WDR27: variants seen among roughly 807,000 people sequenced by gnomAD.
The protein encoded by WDR27 is WD repeat-containing protein 27.
In WDR27, 100 loss-of-function variants were observed where a neutral mutation model predicts 114.4. The ratio of observed to expected loss-of-function variants is 0.87; its 90% confidence interval spans 0.74 to 1.03. The LOEUF is 1.03. Among genes scored for constraint, WDR27 ranks in the 50% least tolerant of loss-of-function variants. The probability of loss-of-function intolerance (pLI) is 0.00; values close to 1 mark genes in which losing one functional copy is unlikely to be tolerated. For synonymous variants in WDR27, 449 were observed against 423.1 expected, an observed-to-expected ratio of 1.06 and a Z score of -0.75; for missense variants, 1,129 against 1,092.9, an observed-to-expected ratio of 1.03 and a Z score of -0.47.
chr6:169,573,687 ACT>A (rs1333097416), intron 24 of WDR27, among the ~76,000 whole-genome samples: 1 of 152,138 alleles, frequency 6.6e-6, no homozygotes, highest in Non-Finnish European at 1.5e-5. Context: ...GATATTTGTG[ACT>A]CTGCTATCCA....
intron 21 of WDR27, among the ~76,000 whole-genome samples, chr6:169,625,187 G>A (rs1256534277): frequency 2.0e-5 from 3 of 152,244 alleles, no homozygotes; most frequent in Admixed American, 2.0e-4. Context: ...CAGATCCAAC[G>A]GTTGTAACTC....
chr6:169,487,480 T>C lies in WDR27; in HGVS notation c.2646-29846A>G, dbSNP rs6941087. ...TCACACGTGAGGGCTATTCAGACAC[T>C]GTGGGCCTCGCTGCTCCCTGGATTA... On this transcript the variant is annotated intron_variant, in intron 25 of 25. Coordinates refer to ENST00000448612, the MANE Select transcript of WDR27 (RefSeq NM_182552.5). 8.8e-3 allele frequency among the ~76,000 whole-genome samples: 1,339 copies of C among 152,230 alleles called. 28 individuals carry two copies. Among genetic ancestry groups the C allele is most frequent in the African/African-American group, 0.031 (1,290 of 41,528 alleles).
At chr6:169,679,927 A>T (rs1781071691) in intron 2 of WDR27, among the ~76,000 whole-genome samples, 1 of 152,224 alleles carries the variant, frequency 6.6e-6, no homozygotes, top group Non-Finnish European at 1.5e-5. Context: ...CAGCCAGACA[A>T]ATATAACCCA....
chr6:169,571,519 C>A (rs778069733), intron 25 of WDR27, among the ~76,000 whole-genome samples: 24 of 152,308 alleles, frequency 1.6e-4, no homozygotes, highest in Non-Finnish European at 3.2e-4. Flanking sequence ...ACATTCAACA[C>A]CCAGCAACCA....
intron 17 of WDR27, among the ~76,000 whole-genome samples, chr6:169,640,765 T>A (rs1818949085): frequency 6.6e-6 from 1 of 152,224 alleles, no homozygotes; most frequent in Non-Finnish European, 1.5e-5. Context: ...GTCACTCCAT[T>A]ACCAGCCATG....
chr6:169,572,837 C>T (rs2128129101), intron 24 of WDR27, among the ~76,000 whole-genome samples: 1 of 152,246 alleles, frequency 6.6e-6, no homozygotes, highest in South Asian at 2.1e-4. Flanking sequence ...AACCCAGATA[C>T]AAAAAACATT....
intron 24 of WDR27, among the ~76,000 whole-genome samples, chr6:169,581,556 C>T (rs1400145905): frequency 2.0e-5 from 3 of 152,086 alleles, no homozygotes; most frequent in African/African-American, 2.4e-5. Flanking sequence ...ATCATCAGGA[C>T]GTATGTCGCA....
intron 25 of WDR27, among the ~76,000 whole-genome samples, chr6:169,493,039 T>C (rs892764052): frequency 9.9e-5 from 15 of 152,166 alleles, no homozygotes; most frequent in Middle Eastern, 3.4e-3. Flanking sequence ...AAGTCGGAAA[T>C]TCCTTGGTCC....
intron 21 of WDR27, among the ~76,000 whole-genome samples, chr6:169,622,745 G>A (rs998909559): frequency 2.0e-5 from 3 of 152,212 alleles, no homozygotes; most frequent in Non-Finnish European, 4.4e-5. Context: ...CGACACGGGA[G>A]AAGCGTCCCG....
chr6:169,634,777 T>C (rs550786303), intron 19 of WDR27, among the ~76,000 whole-genome samples: 2 of 152,298 alleles, frequency 1.3e-5, no homozygotes, highest in Admixed American at 6.5e-5. Context: ...CCGTCCTCCT[T>C]CTTCAGCCTG....
chr6:169,677,091 C>T (rs989995173), intron 2 of WDR27, among the ~76,000 whole-genome samples: 16 of 152,210 alleles, frequency 1.1e-4, no homozygotes, highest in African/African-American at 3.9e-4. Context: ...GTGGAAGTGG[C>T]TTTGGACCTG....
intron 25 of WDR27, among the ~76,000 whole-genome samples, chr6:169,539,972 C>T (rs1162512446): frequency 1.3e-5 from 2 of 152,242 alleles, no homozygotes; most frequent in African/African-American, 4.8e-5. Context: ...TCACTTCTCA[C>T]ATTTTAACCA....
intron 21 of WDR27, among the ~76,000 whole-genome samples, chr6:169,624,115 T>G (rs1286882890): frequency 6.7e-6 from 1 of 150,206 alleles, no homozygotes; most frequent in East Asian, 2.0e-4. Flanking sequence ...GTGCCGTGTG[T>G]GGGGTCAGGT....
intron 21 of WDR27, among the ~76,000 whole-genome samples, chr6:169,628,712 G>A (rs1452828579): frequency 6.6e-6 from 1 of 152,166 alleles, no homozygotes; most frequent in Non-Finnish European, 1.5e-5. Context: ...GCTTAGAACA[G>A]TCAGCCTTGT....
chr6:169,691,237 T>A (rs780152483), intron 1 of WDR27, among the ~76,000 whole-genome samples: 1 of 152,082 alleles, frequency 6.6e-6, no homozygotes, highest in Non-Finnish European at 1.5e-5. Flanking sequence ...TTAAATTAAA[T>A]TTTAAAAAAA....
chr6:169,702,024 A>G lies in WDR27; in HGVS notation c.-481T>C, dbSNP rs964318737. The G allele has an allele frequency of 4.5e-6, 2 of 448,776 alleles. No individual in the cohort carries two copies. The highest frequency in any genetic ancestry group is 8.9e-6 in the Non-Finnish European group (2 of 225,128). 27.8% of individuals were successfully genotyped at this position (448,776 alleles called of 1,614,324 possible). Reference sequence around the variant, plus strand: ...TGCCAGCCGACCCACGCGAGCCGCTATGGTTACTAGCCCGCCGCCCCTCGC... The same window carrying G: ...TGCCAGCCGACCCACGCGAGCCGCTGTGGTTACTAGCCCGCCGCCCCTCGC... On this transcript the variant is annotated 5_prime_UTR_variant, in exon 1 of 26. Coordinates refer to ENST00000448612, the MANE Select transcript of WDR27 (RefSeq NM_182552.5).
At chr6:169,444,086 T>C in the WDR27 span, among the ~76,000 whole-genome samples, 1 of 152,094 alleles carries the variant, frequency 6.6e-6, no homozygotes, top group African/African-American at 2.4e-5. Context: ...TGCATGAGAC[T>C]CCCAGTCACG....
At chr6:169,627,443 C>G (rs1169508036) in intron 21 of WDR27, among the ~76,000 whole-genome samples, 1 of 152,176 alleles carries the variant, frequency 6.6e-6, no homozygotes, top group Non-Finnish European at 1.5e-5. Context: ...TGGCTCAAGT[C>G]TCCTCAATTA....
At chr6:169,660,271 G>A (rs1260002373) in intron 10 of WDR27, among the ~76,000 whole-genome samples, 3 of 152,138 alleles carry the variant, frequency 2.0e-5, no homozygotes, top group Non-Finnish European at 4.4e-5. Context: ...GCCAGGGTTG[G>A]AGAGGAGTGC....
Sources: gnomAD v4.1 joint callset for allele counts (sites outside exome capture counted in the v4.1 genomes callset) on GRCh38, gnomAD v4.1.1 for gene constraint, MANE v1.5 for transcripts, NCBI Gene and HGNC (gene_info 2026-07-23, HGNC 2026-07-21) for gene names.